TRAF3: variants seen among roughly 807,000 people sequenced by gnomAD.
TRAF3 encodes TNF receptor-associated factor 3.
In TRAF3, 13 loss-of-function variants were observed where a neutral mutation model predicts 62.3. The observed-to-expected ratio is 0.21, with a 90% CI of 0.14 to 0.33. The LOEUF (loss-of-function observed/expected upper bound fraction) is 0.33, where lower values mean the gene tolerates loss of function less well. Ranked by LOEUF, TRAF3 falls within the 10% of genes least tolerant of loss-of-function variation. The pLI, the probability that TRAF3 is intolerant of heterozygous loss-of-function variation, is 1.00. For missense variants in TRAF3, 440 were observed against 741.8 expected (o/e 0.59, Z 4.73); for synonymous variants, 269 against 283.4 (o/e 0.95, Z 0.51).
intron 1 of TRAF3, among the ~76,000 whole-genome samples, chr14:102,806,601 C>T (rs923651362): frequency 2.0e-5 from 3 of 152,152 alleles, no homozygotes; most frequent in Non-Finnish European, 4.4e-5. Flanking sequence ...TGGTATGTGC[C>T]GGGCACCCTC....
At chr14:102,787,814 T>C (rs1435814504) in intron 1 of TRAF3, among the ~76,000 whole-genome samples, 1 of 151,692 alleles carries the variant, frequency 6.6e-6, no homozygotes, top group East Asian at 1.9e-4. Context: ...TGCCTTGCTT[T>C]TTTTTTTTTT....
At chr14:102,804,661 A>G (rs1257800460) in intron 1 of TRAF3, among the ~76,000 whole-genome samples, 2 of 151,798 alleles carry the variant, frequency 1.3e-5, no homozygotes, top group Admixed American at 1.3e-4. Flanking sequence ...TAATTTTTGT[A>G]TTTTTTGTAG....
chr14:102,837,695 T>A (rs1365905522), intron 2 of TRAF3, among the ~76,000 whole-genome samples: 1 of 152,148 alleles, frequency 6.6e-6, no homozygotes, highest in Non-Finnish European at 1.5e-5. Context: ...CTATTGGGCT[T>A]TATTGATATT....
chr14:102,854,456 T>C lies in TRAF3; in HGVS notation c.-17-15729T>C, dbSNP rs564346381. On this transcript the variant is annotated intron_variant, in intron 2 of 11. Transcript: ENST00000392745. Reference sequence around the variant, plus strand: ...CTTGCTAACACTTGTGATTTTCTGTTTTTAAAATTTTAGCCATCCAAGTGA... The same window carrying C: ...CTTGCTAACACTTGTGATTTTCTGTCTTTAAAATTTTAGCCATCCAAGTGA... 3.7e-4 allele frequency among the ~76,000 whole-genome samples: 56 copies of C among 152,330 alleles called. No homozygotes were observed. The South Asian group carries it at 0.011, about 31-fold the overall frequency.
chr14:102,810,295 C>G (rs945666915), intron 1 of TRAF3, among the ~76,000 whole-genome samples: 7 of 152,130 alleles, frequency 4.6e-5, no homozygotes, highest in African/African-American at 1.7e-4. Flanking sequence ...AGATACTGTT[C>G]ATCACACCCA....
chr14:102,858,300 C>T (rs1357938865), intron 2 of TRAF3, among the ~76,000 whole-genome samples: 3 of 152,108 alleles, frequency 2.0e-5, no homozygotes, highest in Non-Finnish European at 4.4e-5. Context: ...TACAGGTACG[C>T]ACCACCACGC....
chr14:102,811,943 T>TTTTTTTTTTG (rs1899206392), intron 1 of TRAF3, among the ~76,000 whole-genome samples: 1 of 130,776 alleles, frequency 7.6e-6, no homozygotes, highest in Admixed American at 7.5e-5. Flanking sequence ...TTTTTTTTTT[T>TTTTTTTTTTG]GTACAGACAG....
intron 7 of TRAF3, among the ~76,000 whole-genome samples, chr14:102,886,672 T>C (rs1889409363): frequency 6.6e-6 from 1 of 151,986 alleles, no homozygotes; most frequent in Admixed American, 6.6e-5. Flanking sequence ...AGGAGAATCA[T>C]TTGAACCGGG....
intron 6 of TRAF3, among the ~76,000 whole-genome samples, chr14:102,883,425 A>G (rs1889181720): frequency 6.6e-6 from 1 of 152,220 alleles, no homozygotes; most frequent in Non-Finnish European, 1.5e-5. Context: ...TTTTAGAGGC[A>G]GAATTACAAA....
At chr14:102,833,062 C>T (rs1006018667) in intron 2 of TRAF3, among the ~76,000 whole-genome samples, 1 of 152,214 alleles carries the variant, frequency 6.6e-6, no homozygotes, top group Non-Finnish European at 1.5e-5. Context: ...GCACTGTGCA[C>T]TTCCCTTTGG....
intron 10 of TRAF3, among the ~76,000 whole-genome samples, chr14:102,901,148 G>A (rs1890276337): frequency 6.6e-6 from 1 of 152,222 alleles, no homozygotes; most frequent in African/African-American, 2.4e-5. Flanking sequence ...GTGTGTTCCT[G>A]ACTCGGGGGC....
chr14:102,891,341 T>C lies in TRAF3; in HGVS notation c.743T>C (p.Ile248Thr). 1 of 1,613,324 alleles carries C rather than the reference T, an allele frequency of 6.2e-7. No individual in the cohort carries two copies. The highest frequency in any genetic ancestry group is 8.5e-7 in the Non-Finnish European group (1 of 1,179,890). ...CTCTCGCAGGGGACAAACCAGCAGA[T>C]CAAGGCCCACGAGGCCAGCTCCGCC... ...GCVFQGTNQQIKAHEASSAVQ... is the reference protein window; with the variant it reads ...GCVFQGTNQQTKAHEASSAVQ... Residue 248 changes from isoleucine (I) to threonine (T), a missense_variant, in exon 9 of 12, where the codon ATC (isoleucine) becomes ACC (threonine). Physicochemically the swap from Ile to Thr is moderately conservative, Grantham distance 89. Around this residue, in one of 6 missense-constraint regions of TRAF3, gnomAD observed 255 missense variants for 424.1 expected, o/e 0.60. Coordinates refer to ENST00000392745, the MANE Select transcript of TRAF3 (RefSeq NM_145725.3).
intron 2 of TRAF3, among the ~76,000 whole-genome samples, chr14:102,863,760 AAT>A (rs528878650): frequency 1.3e-5 from 2 of 152,320 alleles, no homozygotes; most frequent in African/African-American, 4.8e-5. Context: ...GGCAGCAGCA[AAT>A]ATGTTTGTCT....
chr14:102,864,341 G>A (rs2139797305), intron 2 of TRAF3, among the ~76,000 whole-genome samples: 1 of 151,920 alleles, frequency 6.6e-6, no homozygotes, highest in Admixed American at 6.6e-5. Context: ...GTAGAGATGG[G>A]GTTTCACCGT....
chr14:102,898,378 T>C (rs1890107747), intron 10 of TRAF3, among the ~76,000 whole-genome samples: 1 of 152,256 alleles, frequency 6.6e-6, no homozygotes, highest in Non-Finnish European at 1.5e-5. Context: ...AGTACAATGT[T>C]TCTTAAAACA....
rs145464444 is a variant in TRAF3, at chr14:102,877,306, G to A, written c.570+781G>A. Among the ~76,000 whole-genome samples the A allele has an allele frequency of 9.1e-3, 1,268 of 140,034 alleles. 27 individuals are homozygous for A. Among genetic ancestry groups the A allele is most frequent in the African/African-American group, 0.025 (896 of 35,706 alleles). 91.9% of individuals were successfully genotyped at this position (140,034 alleles called of 152,430 possible). On this transcript the variant is annotated intron_variant, in intron 6 of 11. Coordinates refer to ENST00000392745, the MANE Select transcript of TRAF3 (RefSeq NM_145725.3). Reference sequence around the variant, plus strand: ...AGATAATCCATTCCACAGGCCTTCCGCTCAGCTCATAGATAATCTGTTCCA... The same window carrying A: ...AGATAATCCATTCCACAGGCCTTCCACTCAGCTCATAGATAATCTGTTCCA...
Position 102,907,536 on chromosome 14 carries a change from C to G in TRAF3, c.*1752C>G, listed in dbSNP as rs980912457. On this transcript the variant is annotated 3_prime_UTR_variant, in exon 12 of 12. Coordinates refer to ENST00000392745, the MANE Select transcript of TRAF3 (RefSeq NM_145725.3). ...GCTTCTTAGGCAAAACCAATGTGTG[C>G]GAACTGTCACACCTGTGCCACTCGC... 4 of 152,308 alleles carry G rather than the reference C, an allele frequency of 2.6e-5. No individual in the cohort carries two copies. Among genetic ancestry groups the G allele is most frequent in the Admixed American group, 2.0e-4 (3 of 15,294 alleles). 9.4% of individuals were successfully genotyped at this position (152,308 alleles called of 1,614,324 possible). A position where few individuals can be genotyped will look rare whatever the true frequency, so the allele number is the denominator to read the frequency against.
chr14:102,808,265 C>A (rs539527842), intron 1 of TRAF3, among the ~76,000 whole-genome samples: 1 of 152,238 alleles, frequency 6.6e-6, no homozygotes, highest in South Asian at 2.1e-4. Flanking sequence ...GTAATCCCAG[C>A]ACTTTGGGAG....
intron 1 of TRAF3, among the ~76,000 whole-genome samples, chr14:102,798,105 C>T (rs1898200304): frequency 6.6e-6 from 1 of 152,140 alleles, no homozygotes; most frequent in Non-Finnish European, 1.5e-5. Context: ...ACCAGTTCAG[C>T]ATGTATTAAC....
Sources: gnomAD v4.1 joint callset for allele counts (sites outside exome capture counted in the v4.1 genomes callset) on GRCh38, gnomAD v4.1.1 for gene constraint, gnomAD v4.1.1 regional missense constraint, MANE v1.5 for transcripts, NCBI Gene and HGNC (gene_info 2026-07-23, HGNC 2026-07-21) for gene names.